The following COX11 variants were observed in gnomAD, a reference collection of about 807,000 sequenced individuals.
The protein encoded by COX11 is cytochrome c oxidase copper chaperone COX11.
A neutral mutation model predicts 29.4 loss-of-function variants in COX11; 18 were observed. The observed-to-expected ratio is 0.61, with a 90% CI of 0.42 to 0.91. COX11 has a LOEUF of 0.91. COX11 is among the 40% of genes least tolerant of loss of function. The pLI is 0.00. For missense variants in COX11, 312 were observed against 346.0 expected (o/e 0.90, Z 0.78); for synonymous variants, 131 against 124.0 (o/e 1.06, Z -0.38).
rs369804249 is a variant in COX11, at chr17:54,965,941, AAAC to A, written c.367-1092_367-1090del. Among the ~76,000 whole-genome samples the A allele has an allele frequency of 5.8e-3, 880 of 152,314 alleles. 3 individuals carry two copies. Among genetic ancestry groups the A allele is most frequent in the African/African-American group, 0.021 (855 of 41,554 alleles). The stretch of plus-strand genomic sequence containing the variant: ...TGCCTGTTACTATGCTAGGAAGAAA[AAAC>A]AAAAAACAAATTTGAGGCTAGGGGA... On this transcript the variant is annotated intron_variant, in intron 1 of 3. Coordinates refer to ENST00000299335, the MANE Select transcript of COX11 (RefSeq NM_004375.5).
chr17:54,968,673 C>T (rs774546987), upstream of COX11: 3 of 1,587,982 alleles, frequency 1.9e-6, no homozygotes, highest in South Asian at 3.4e-5. Context: ...ACCCACCCGC[C>T]TCTCAGGGAC....
Position 54,960,487 on chromosome 17 carries a change from T to C in COX11, c.*2246A>G. 1 of 1,021,422 alleles carries C rather than the reference T, an allele frequency of 9.8e-7. No individual in the cohort carries two copies. Among genetic ancestry groups the C allele is most frequent in the Non-Finnish European group, 1.6e-6 (1 of 644,466 alleles). The allele number at this position is 1,021,422 out of a possible 1,614,324, so 63.3% of individuals were successfully genotyped here. On this transcript the variant is annotated 3_prime_UTR_variant, in exon 4 of 4. Coordinates refer to ENST00000299335, the MANE Select transcript of COX11 (RefSeq NM_004375.5). ...CTCCAAAACCAGCTCAATTTTTAATTACAGTGCTGGCAGTTAAAAACCAAA... is the reference window on the plus strand; with the variant it reads ...CTCCAAAACCAGCTCAATTTTTAATCACAGTGCTGGCAGTTAAAAACCAAA...
chr17:54,966,392 G>A (rs1598113012), intron 1 of COX11, among the ~76,000 whole-genome samples: 1 of 152,192 alleles, frequency 6.6e-6, no homozygotes, highest in Admixed American at 6.5e-5. Context: ...ATGATTGCAT[G>A]TGGGCACATT....
rs753599518 is a variant in COX11, at chr17:54,960,536, A to G, written c.*2197T>C. On this transcript the variant is annotated 3_prime_UTR_variant, in exon 4 of 4. Transcript: ENST00000299335. Reference sequence around the variant, plus strand: ...AAATAGCACTTTGAAATTGATACATAACCCTTTTGCTGTGATGGCTTTGTT... The same window carrying G: ...AAATAGCACTTTGAAATTGATACATGACCCTTTTGCTGTGATGGCTTTGTT... 3 of 1,581,572 alleles carry G rather than the reference A, an allele frequency of 1.9e-6. No homozygotes were observed. In the East Asian group the frequency reaches 6.7e-5, roughly 35 times the overall value.
chr17:54,961,120 TTTC>T lies in COX11; in HGVS notation c.*1610_*1612del. ...CCTATGGAAGAAGCACATTCTTACC[TTTC>T]TTCTACTAGACTGTGACTCTCCAGC... On this transcript the variant is annotated 3_prime_UTR_variant, in exon 4 of 4. Transcript: ENST00000299335. The T allele has an allele frequency of 1.3e-6, 1 of 763,490 alleles. No individual in the cohort carries two copies. Among genetic ancestry groups the T allele is most frequent in the African/African-American group, 1.8e-5 (1 of 56,996 alleles). The allele number at this position is 763,490 out of a possible 1,614,324, so 47.3% of individuals were successfully genotyped here. A position where few individuals can be genotyped will look rare whatever the true frequency, so the allele number is the denominator to read the frequency against.
chr17:54,956,146 GTTA>G (rs750658631), downstream of COX11, among the ~76,000 whole-genome samples: 15 of 152,214 alleles, frequency 9.9e-5, no homozygotes, highest in South Asian at 6.2e-4. Flanking sequence ...GAGAACACAG[GTTA>G]TTATTATTTT....
chr17:54,957,275 T>G (rs576511051), downstream of COX11: 1 of 152,338 alleles, frequency 6.6e-6, no homozygotes, highest in South Asian at 2.1e-4. Flanking sequence ...GTTAAGGGAC[T>G]TAGGAGTCCA....
Position 54,961,498 on chromosome 17 carries a change from G to A in COX11, c.*1235C>T, listed in dbSNP as rs1235395185. The A allele has an allele frequency of 7.0e-6, 10 of 1,421,808 alleles. No individual in the cohort carries two copies. Among genetic ancestry groups the A allele is most frequent in the Non-Finnish European group, 9.2e-6 (10 of 1,092,538 alleles). 88.1% of individuals were successfully genotyped at this position (1,421,808 alleles called of 1,614,324 possible). Reference sequence around the variant, plus strand: ...CAGAAGAAAAATTACTTAGTCCTTAGGCCAACCAATTTAACTGCAGTGTCA... The same window carrying A: ...CAGAAGAAAAATTACTTAGTCCTTAAGCCAACCAATTTAACTGCAGTGTCA... On this transcript the variant is annotated 3_prime_UTR_variant, in exon 4 of 4. Coordinates refer to ENST00000299335, the MANE Select transcript of COX11 (RefSeq NM_004375.5).
Position 54,968,255 on chromosome 17 carries a change from A to T in COX11, c.366+26T>A, listed in dbSNP as rs774546249. On this transcript the variant is annotated intron_variant, in intron 1 of 3. Transcript: ENST00000299335. Reference sequence around the variant, plus strand: ...CACCCCCACCTCTCGCGTCTGCGCCACCCTGCGGGCGGCGCCGGCCCCTAC... The same window carrying T: ...CACCCCCACCTCTCGCGTCTGCGCCTCCCTGCGGGCGGCGCCGGCCCCTAC... 4 of 1,598,508 alleles carry T rather than the reference A, an allele frequency of 2.5e-6. No individual in the cohort carries two copies. The South Asian group carries it at 4.4e-5, about 18-fold the overall frequency.
chr17:54,953,538 C>G (rs1383289346), exon 1 of COX11: 1 of 152,316 alleles, frequency 6.6e-6, no homozygotes, highest in Non-Finnish European at 1.5e-5. Context: ...CCTCCTCCTT[C>G]CCTCTCTGGG....
intron 1 of COX11, among the ~76,000 whole-genome samples, chr17:54,967,543 G>A (rs2077263337): frequency 6.6e-6 from 1 of 151,970 alleles, no homozygotes; most frequent in Admixed American, 6.6e-5. Context: ...TCAACTACAG[G>A]ACTTAACTAA....
intron 1 of COX11, among the ~76,000 whole-genome samples, chr17:54,967,504 C>T (rs557548367): frequency 2.0e-5 from 3 of 152,222 alleles, no homozygotes; most frequent in African/African-American, 4.8e-5. Flanking sequence ...CTTGTCTTTG[C>T]CTGTGGTTCT....
chr17:54,955,317 G>A (rs1276324709), upstream of COX11, among the ~76,000 whole-genome samples: 2 of 152,178 alleles, frequency 1.3e-5, no homozygotes, highest in Non-Finnish European at 2.9e-5. Context: ...AGGTGGTGGG[G>A]AGGTAGGTAA....
intron 2 of COX11, among the ~76,000 whole-genome samples, chr17:54,963,948 C>T (rs2077175904): frequency 6.6e-6 from 1 of 152,076 alleles, no homozygotes; most frequent in Non-Finnish European, 1.5e-5. Context: ...GATATTCTGT[C>T]ACTTGTACCA....
intron 2 of COX11, among the ~76,000 whole-genome samples, chr17:54,964,226 CTATT>C (rs1282460723): frequency 6.6e-6 from 1 of 152,106 alleles, no homozygotes; most frequent in Non-Finnish European, 1.5e-5. Flanking sequence ...TATAACATAA[CTATT>C]TACTACTTAT....
At position 54,962,304 on chromosome 17, in the gene COX11, T is replaced by TAAA. The variant is rs897255636; in HGVS notation, c.*428_*429insTTT. 5.3e-5 allele frequency: 52 copies of TAAA among 986,464 alleles called. No individual in the cohort carries two copies. The African/African-American group carries it at 8.5e-4, about 16-fold the overall frequency. 61.1% of individuals were successfully genotyped at this position (986,464 alleles called of 1,614,324 possible). A position where few individuals can be genotyped will look rare whatever the true frequency, so the allele number is the denominator to read the frequency against. On this transcript the variant is annotated 3_prime_UTR_variant, in exon 4 of 4. Transcript: ENST00000299335. ...GAAGGAAAATAGCAACCAACTCTTT[T>TAAA]AGACACAATAAACATGGTTAGAAGT...
chr17:54,965,388 G>A (rs1033895383), intron 1 of COX11, among the ~76,000 whole-genome samples: 5 of 152,182 alleles, frequency 3.3e-5, no homozygotes, highest in South Asian at 2.1e-4. Flanking sequence ...ATTTTCCCAC[G>A]TTGGTTAATG....
At chr17:54,955,109 T>C (rs1022399594) in exon 1 of COX11, 1 of 152,196 alleles carries the variant, frequency 6.6e-6, no homozygotes, top group Admixed American at 6.5e-5. Flanking sequence ...TTCCAAACTC[T>C]GGAGATTAAT....
chr17:54,956,691 T>C, downstream of COX11: 1 of 152,198 alleles, frequency 6.6e-6, no homozygotes, highest in Non-Finnish European at 1.5e-5. Flanking sequence ...GCAATCCTCC[T>C]GCCTCAGCCT....
Sources: gnomAD v4.1 joint callset for allele counts (sites outside exome capture counted in the v4.1 genomes callset) on GRCh38, gnomAD v4.1.1 for gene constraint, MANE v1.5 for transcripts, NCBI Gene and HGNC (gene_info 2026-07-23, HGNC 2026-07-21) for gene names.